The following CNTNAP2 variants were observed in gnomAD, a reference collection of about 807,000 sequenced individuals.
The protein encoded by CNTNAP2 is contactin-associated protein-like 2.
A neutral mutation model predicts 155.2 loss-of-function variants in CNTNAP2; 98 were observed. The observed-to-expected ratio is 0.63, with a 90% CI of 0.54 to 0.75. The LOEUF (loss-of-function observed/expected upper bound fraction) is 0.75. CNTNAP2 is among the 30% of genes least tolerant of loss of function. CNTNAP2 has a pLI of 0.00. For missense variants in CNTNAP2, 1,727 were observed against 1,688.1 expected (o/e 1.02, Z -0.40); for synonymous variants, 651 against 631.2 (o/e 1.03, Z -0.47).
intron 3 of CNTNAP2, chr7:146,915,892 G>C (rs1345059561): frequency 6.6e-6 from 1 of 152,082 alleles, no homozygotes; most frequent in Non-Finnish European, 1.5e-5. Flanking sequence ...TCCTTGCCTT[G>C]TTCCAGTTCT....
At chr7:146,792,250 CAAAA>C (rs550596893) in intron 2 of CNTNAP2, among the ~76,000 whole-genome samples, 1 of 146,004 alleles carries the variant, frequency 6.8e-6, no homozygotes, top group Non-Finnish European at 1.5e-5. Flanking sequence ...CATCTTATAT[CAAAA>C]AAAAAGAAAA....
chr7:147,842,581 A>T (rs984796987), intron 13 of CNTNAP2, among the ~76,000 whole-genome samples: 304 of 55,852 alleles, frequency 5.4e-3, no homozygotes, highest in Middle Eastern at 0.017. Context: ...TTTACTTTTT[A>T]CTTTTCTTTT....
chr7:146,827,243 A>G lies in CNTNAP2; in HGVS notation c.209-12468A>G, dbSNP rs1803423445. Among the ~76,000 whole-genome samples, 4 of 152,028 alleles carry G rather than the reference A, an allele frequency of 2.6e-5. No homozygotes were observed. The South Asian group carries it at 8.3e-4, about 32-fold the overall frequency. ...GGTTATTAAATAATGAATACAAATA[A>G]TTTCTTGACTTAAAAACAATGGGCA... On this transcript the variant is annotated intron_variant, in intron 2 of 23. Transcript: ENST00000361727.
intron 3 of CNTNAP2, among the ~76,000 whole-genome samples, chr7:146,958,441 T>C (rs971438881): frequency 2.4e-5 from 3 of 125,722 alleles, no homozygotes; most frequent in African/African-American, 9.3e-5. Context: ...TGAGACGGAG[T>C]CTCACTCTGT....
intron 1 of CNTNAP2, among the ~76,000 whole-genome samples, chr7:146,541,641 G>T (rs1359751333): frequency 1.3e-5 from 2 of 151,828 alleles, no homozygotes; most frequent in Non-Finnish European, 2.9e-5. Context: ...TAAGAGTGAG[G>T]TTATTAAACA....
At chr7:148,308,822 CAGTGT>C (rs1225417293) in intron 21 of CNTNAP2, among the ~76,000 whole-genome samples, 1 of 150,238 alleles carries the variant, frequency 6.7e-6, no homozygotes, top group Non-Finnish European at 1.5e-5. Flanking sequence ...TGAGAACATG[CAGTGT>C]TTGGTTTTCT....
At chr7:146,517,050 G>C (rs1797551675) in intron 1 of CNTNAP2, among the ~76,000 whole-genome samples, 2 of 151,982 alleles carry the variant, frequency 1.3e-5, no homozygotes, top group African/African-American at 4.8e-5. Context: ...CAATTCATAA[G>C]TTTTAAATCC....
chr7:146,862,345 GAA>G (rs1294714040), intron 3 of CNTNAP2, among the ~76,000 whole-genome samples: 1 of 151,712 alleles, frequency 6.6e-6, no homozygotes, highest in South Asian at 2.1e-4. Context: ...CAACAAAAAC[GAA>G]AAAAGTGTAG....
chr7:146,786,192 A>G (rs1197119893), intron 2 of CNTNAP2, among the ~76,000 whole-genome samples: 1 of 152,174 alleles, frequency 6.6e-6, no homozygotes, highest in Non-Finnish European at 1.5e-5. Flanking sequence ...ATTTTTCAAT[A>G]TCTACTCTCC....
At chr7:148,112,519 C>A (rs1361038324) in intron 15 of CNTNAP2, among the ~76,000 whole-genome samples, 3 of 151,906 alleles carry the variant, frequency 2.0e-5, no homozygotes, top group East Asian at 3.9e-4. Context: ...CTCCTGAGCA[C>A]AAGGGATCCT....
intron 13 of CNTNAP2, among the ~76,000 whole-genome samples, chr7:147,653,691 G>A (rs1451932836): frequency 6.6e-6 from 1 of 152,136 alleles, no homozygotes; most frequent in Admixed American, 6.5e-5. Flanking sequence ...GGAAGGCAAG[G>A]CCCTGGTGGA....
At chr7:147,995,593 C>T (rs1187348855) in intron 15 of CNTNAP2, among the ~76,000 whole-genome samples, 1 of 151,124 alleles carries the variant, frequency 6.6e-6, no homozygotes. Context: ...AGTGGTGCAA[C>T]CTCAGCTCAC....
chr7:147,334,350 A>G (rs1420773851), intron 9 of CNTNAP2, among the ~76,000 whole-genome samples: 1 of 152,098 alleles, frequency 6.6e-6, no homozygotes, highest in Non-Finnish European at 1.5e-5. Context: ...TTCTTCACTT[A>G]GTGGGTGAAA....
rs750837961 is a variant in CNTNAP2 at position 146,665,783 on chromosome 7, T to TAAAAAAAAA, written c.98-108481_98-108473dup. 2.3e-4 allele frequency among the ~76,000 whole-genome samples: 11 copies of TAAAAAAAAA among 48,272 alleles called. 1 individual carries two copies. The highest frequency in any genetic ancestry group is 4.5e-4 in the African/African-American group (4 of 8,820). The allele number at this position is 48,272 out of a possible 152,430, so 31.7% of individuals were successfully genotyped here. ...GCTATGGAGTGAGACTCTGTCTCAT[T>TAAAAAAAAA]AAAAAAAAAAAAAAATACATTTTGT... On this transcript the variant is annotated intron_variant, in intron 1 of 23. Coordinates refer to ENST00000361727, the MANE Select transcript of CNTNAP2 (RefSeq NM_014141.6).
Position 146,148,825 on chromosome 7 carries a change from A to C in CNTNAP2, c.97+31852A>C, listed in dbSNP as rs537103830. Among the ~76,000 whole-genome samples the C allele has an allele frequency of 1.9e-3, 283 of 152,258 alleles. 2 individuals carry two copies. The highest frequency in any genetic ancestry group is 7.1e-3 in the Admixed American group (109 of 15,258). Reference sequence around the variant, plus strand: ...AGGAAAGACATCGCTAATCAGAACAAAAAAAGGAAGAAGTAATAGAGCAGG... The same window carrying C: ...AGGAAAGACATCGCTAATCAGAACACAAAAAGGAAGAAGTAATAGAGCAGG... On this transcript the variant is annotated intron_variant, in intron 1 of 23. Coordinates refer to ENST00000361727, the MANE Select transcript of CNTNAP2 (RefSeq NM_014141.6).
At chr7:147,234,961 G>A (rs1803766596) in intron 8 of CNTNAP2, among the ~76,000 whole-genome samples, 1 of 152,082 alleles carries the variant, frequency 6.6e-6, no homozygotes, top group Admixed American at 6.6e-5. Flanking sequence ...AATGTTATGT[G>A]AACTGAGCTA....
chr7:146,719,664 C>T (rs960979681), intron 1 of CNTNAP2, among the ~76,000 whole-genome samples: 2 of 151,786 alleles, frequency 1.3e-5, no homozygotes, highest in East Asian at 1.9e-4. Context: ...ATAATTTGTT[C>T]GTCCTTGAAT....
intron 1 of CNTNAP2, among the ~76,000 whole-genome samples, chr7:146,716,309 T>C (rs1409238274): frequency 1.3e-5 from 2 of 151,678 alleles, no homozygotes; most frequent in African/African-American, 4.9e-5. Context: ...AGTGACCTTA[T>C]ACATACCATT....
At chr7:148,085,124 T>C (rs964747586) in intron 15 of CNTNAP2, among the ~76,000 whole-genome samples, 1 of 152,214 alleles carries the variant, frequency 6.6e-6, no homozygotes, top group African/African-American at 2.4e-5. Flanking sequence ...TTACTAAATG[T>C]AATATCTAAG....
Sources: gnomAD v4.1 joint callset for allele counts (sites outside exome capture counted in the v4.1 genomes callset) on GRCh38, gnomAD v4.1.1 for gene constraint, MANE v1.5 for transcripts, NCBI Gene and HGNC (gene_info 2026-07-23, HGNC 2026-07-21) for gene names.